The following DGKI variants were observed in gnomAD, a reference collection of about 807,000 sequenced individuals.
The protein encoded by DGKI is diacylglycerol kinase iota, also known as DAG kinase iota.
A neutral mutation model predicts 147.5 loss-of-function variants in DGKI; 55 were observed. That is an observed-to-expected ratio of 0.37 (90% CI 0.30 to 0.47). DGKI has a LOEUF of 0.47. DGKI is among the 20% of genes least tolerant of loss of function. The pLI is 1.00. For missense variants in DGKI, 1,007 were observed against 1,323.8 expected, an observed-to-expected ratio of 0.76 and a Z score of 3.71; for synonymous variants, 469 against 477.1, an observed-to-expected ratio of 0.98 and a Z score of 0.22.
At chr7:137,461,243 A>G (rs1024549960) in intron 27 of DGKI, among the ~76,000 whole-genome samples, 2 of 152,188 alleles carry the variant, frequency 1.3e-5, no homozygotes, top group African/African-American at 4.8e-5. Context: ...GTCAAACTAC[A>G]CTTGCCATTT....
chr7:137,553,137 T>G (rs1204665724), intron 19 of DGKI, among the ~76,000 whole-genome samples: 1 of 152,222 alleles, frequency 6.6e-6, no homozygotes, highest in Non-Finnish European at 1.5e-5. Context: ...CAAATCTAAA[T>G]TTAAGCATGT....
intron 1 of DGKI, among the ~76,000 whole-genome samples, chr7:137,733,598 C>T (rs10270367): frequency 6.6e-6 from 1 of 152,164 alleles, no homozygotes; most frequent in African/African-American, 2.4e-5. Flanking sequence ...ATCAGGTACT[C>T]TACTAAGCAC....
At chr7:137,767,471 GGAAGAGAAGAGAAGAGAAGA>G (rs71177920) in intron 1 of DGKI, among the ~76,000 whole-genome samples, 40 of 89,658 alleles carry the variant, frequency 4.5e-4, no homozygotes, top group African/African-American at 1.6e-3. Flanking sequence ...AGAAGAGAAG[GGAAGAGAAGAGAAGAGAAGA>G]GAAGAGAAGA....
At chr7:137,691,509 A>G (rs78755861) in intron 1 of DGKI, among the ~76,000 whole-genome samples, 1,529 of 152,282 alleles carry the variant, frequency 0.01, 21 homozygotes, top group African/African-American at 0.036. Context: ...GGTGACTCCC[A>G]TCACAAATGA....
At chr7:137,759,562 G>A (rs186499854) in intron 1 of DGKI, among the ~76,000 whole-genome samples, 91 of 151,932 alleles carry the variant, frequency 6.0e-4, no homozygotes, top group African/African-American at 1.8e-3. Flanking sequence ...GGCTCGTCTC[G>A]AACTCCTGAC....
chr7:137,763,951 T>C (rs1382331117), intron 1 of DGKI, among the ~76,000 whole-genome samples: 1 of 152,390 alleles, frequency 6.6e-6, no homozygotes, highest in Non-Finnish European at 1.5e-5. Context: ...GACCGCTAAA[T>C]AAGGGACAGG....
chr7:137,722,647 A>C (rs151004606), intron 1 of DGKI: 316 of 1,584,606 alleles, frequency 2.0e-4, no homozygotes, highest in Middle Eastern at 4.4e-4. Flanking sequence ...CAAGAAGAAG[A>C]AGCTGCGGAA....
At chr7:137,535,393 T>C (rs10237813) in intron 20 of DGKI, among the ~76,000 whole-genome samples, 4,235 of 152,240 alleles carry the variant, frequency 0.028, 88 homozygotes, top group South Asian at 0.072. Context: ...TTGTATCTGT[T>C]GGACTAATTG....
chr7:137,449,655 C>T (rs1485072565), intron 27 of DGKI, among the ~76,000 whole-genome samples: 1 of 152,128 alleles, frequency 6.6e-6, no homozygotes, highest in Non-Finnish European at 1.5e-5. Context: ...AATTCAAAAG[C>T]TTCTACACAG....
intron 3 of DGKI, among the ~76,000 whole-genome samples, chr7:137,668,613 G>C (rs1822729592): frequency 6.6e-6 from 1 of 152,198 alleles, no homozygotes; most frequent in Admixed American, 6.5e-5. Flanking sequence ...GACAACAAGG[G>C]CAGAGTTCCT....
intron 28 of DGKI, among the ~76,000 whole-genome samples, chr7:137,427,218 A>G (rs1812852681): frequency 6.6e-6 from 1 of 152,242 alleles, no homozygotes; most frequent in South Asian, 2.1e-4. Context: ...CCACAGTGCA[A>G]TCAAACTAGA....
chr7:137,794,187 C>T (rs779378054), intron 1 of DGKI, among the ~76,000 whole-genome samples: 1 of 152,316 alleles, frequency 6.6e-6, no homozygotes, highest in Non-Finnish European at 1.5e-5. Flanking sequence ...GGCCCATGTT[C>T]TTTCATCTGC....
intron 1 of DGKI, among the ~76,000 whole-genome samples, chr7:137,827,231 C>A (rs1234104246): frequency 1.3e-5 from 2 of 152,138 alleles, no homozygotes; most frequent in Non-Finnish European, 2.9e-5. Context: ...GAACAAGGAC[C>A]TCCCCACAGC....
At chr7:137,516,413 C>T (rs1217298014) in intron 21 of DGKI, among the ~76,000 whole-genome samples, 1 of 152,102 alleles carries the variant, frequency 6.6e-6, no homozygotes, top group Non-Finnish European at 1.5e-5. Flanking sequence ...CCCAAGGTCA[C>T]ACACTTAATT....
Position 137,575,285 on chromosome 7 carries a change from G to C in DGKI, c.1761+1937C>G, listed in dbSNP as rs144024211. ...TTCCACCTTTAATATTACATATATAGGCTGATATCACATCTTTCCTAGTTA... is the reference window on the plus strand; with the variant it reads ...TTCCACCTTTAATATTACATATATACGCTGATATCACATCTTTCCTAGTTA... On this transcript the variant is annotated intron_variant, in intron 17 of 32. Transcript: ENST00000614521. Among the ~76,000 whole-genome samples the C allele has an allele frequency of 6.3e-3, 954 of 152,078 alleles. 13 individuals carry two copies. The highest frequency in any genetic ancestry group is 0.022 in the African/African-American group (910 of 41,452).
intron 19 of DGKI, among the ~76,000 whole-genome samples, chr7:137,566,974 A>C (rs1818607017): frequency 9.6e-6 from 1 of 103,722 alleles, no homozygotes; most frequent in African/African-American, 7.8e-5. Context: ...GGATAGAATT[A>C]GAATATCAGG....
intron 5 of DGKI, among the ~76,000 whole-genome samples, chr7:137,645,864 A>G (rs1821806454): frequency 6.6e-6 from 1 of 152,248 alleles, no homozygotes; most frequent in Admixed American, 6.5e-5. Context: ...TTAACAATAA[A>G]CATGAATCTA....
chr7:137,406,663 A>C (rs1562999155), intron 30 of DGKI, among the ~76,000 whole-genome samples: 2 of 152,224 alleles, frequency 1.3e-5, no homozygotes, highest in Non-Finnish European at 2.9e-5. Context: ...ACTATAAACA[A>C]TTGGCAAATA....
intron 5 of DGKI, among the ~76,000 whole-genome samples, chr7:137,650,555 C>A (rs905118455): frequency 1.4e-4 from 22 of 152,102 alleles, no homozygotes; most frequent in Admixed American, 5.9e-4. Flanking sequence ...GAAAGGTGAT[C>A]AAGTAATGAG....
Sources: gnomAD v4.1 joint callset for allele counts (sites outside exome capture counted in the v4.1 genomes callset) on GRCh38, gnomAD v4.1.1 for gene constraint, MANE v1.5 for transcripts, NCBI Gene and HGNC (gene_info 2026-07-23, HGNC 2026-07-21) for gene names.